The following HDX variants were observed in gnomAD, a reference collection of about 807,000 sequenced individuals.
HDX encodes the protein highly divergent homeobox, also known as chromosome X open reading frame 43.
A neutral mutation model predicts 45.2 loss-of-function variants in HDX; 19 were observed. The observed-to-expected ratio is 0.42, with a 90% CI of 0.29 to 0.62. The LOEUF (loss-of-function observed/expected upper bound fraction) is 0.62. HDX is among the 20% of genes least tolerant of loss of function. The pLI is 0.20. For missense variants in HDX, 532 were observed against 493.9 expected, an observed-to-expected ratio of 1.08 and a Z score of -0.73; for synonymous variants, 188 against 172.8, an observed-to-expected ratio of 1.09 and a Z score of -0.69.
intron 5 of HDX, among the ~76,000 whole-genome samples, chrX:84,401,956 C>G (rs1461887320): frequency 8.9e-6 from 1 of 111,884 alleles, no homozygotes; most frequent in East Asian, 2.8e-4. Context: ...GAAAACCAAA[C>G]ATTGCATGTT....
At chrX:84,434,683 T>G (rs2039582748) in intron 5 of HDX, among the ~76,000 whole-genome samples, 1 of 111,624 alleles carries the variant, frequency 9.0e-6, no homozygotes, top group Admixed American at 9.6e-5. Context: ...GCTGGCCACA[T>G]AGAATATGAT....
chrX:84,380,500 A>G (rs2038162966), intron 5 of HDX, among the ~76,000 whole-genome samples: 2 of 111,529 alleles, frequency 1.8e-5, no homozygotes, highest in South Asian at 7.4e-4. Context: ...AGAGAATTCA[A>G]CCAAATATTA....
At chrX:84,440,456 G>T in intron 5 of HDX, 76 bp downstream of exon 5, 1 of 692,237 alleles carries the variant, frequency 1.4e-6, no homozygotes, top group Non-Finnish European at 2.3e-6. Context: ...TACAAATATG[G>T]CAATTTTCTC....
intron 3 of HDX, among the ~76,000 whole-genome samples, chrX:84,474,088 C>T (rs5968333): frequency 0.35 from 38,483 of 110,535 alleles, 5,290 homozygotes; most frequent in African/African-American, 0.52. Flanking sequence ...GTCAGGAGTT[C>T]GAGACCAACC....
intron 4 of HDX, among the ~76,000 whole-genome samples, chrX:84,462,008 A>G (rs1414440938): frequency 3.6e-5 from 4 of 112,201 alleles, no homozygotes; most frequent in African/African-American, 1.3e-4. Flanking sequence ...TATCCAAAAG[A>G]CAGGCAATAA....
intron 6 of HDX, among the ~76,000 whole-genome samples, chrX:84,359,607 G>A (rs943655704): frequency 7.2e-5 from 8 of 111,641 alleles, no homozygotes; most frequent in African/African-American, 2.6e-4. Flanking sequence ...GGACATGTGG[G>A]TTGCTTCCAT....
intron 4 of HDX, among the ~76,000 whole-genome samples, chrX:84,464,367 A>C (rs1019098732): frequency 8.9e-6 from 1 of 111,804 alleles, no homozygotes; most frequent in South Asian, 3.7e-4. Context: ...TGCATAGCCA[A>C]GACAATCCTA....
intron 2 of HDX, among the ~76,000 whole-genome samples, chrX:84,484,007 A>G (rs2040740539): frequency 1.8e-5 from 2 of 111,341 alleles, no homozygotes; most frequent in Admixed American, 1.9e-4. Context: ...ATCACTATCA[A>G]CATTTTGGTC....
At chrX:84,339,535 AG>A (rs1396126357) in intron 7 of HDX, among the ~76,000 whole-genome samples, 12 of 111,998 alleles carry the variant, frequency 1.1e-4, no homozygotes, top group Admixed American at 1.9e-4. Context: ...CTAAAATAAA[AG>A]GATGTGAAGT....
intron 2 of HDX, among the ~76,000 whole-genome samples, chrX:84,481,407 A>C (rs938958829): frequency 7.2e-5 from 8 of 111,558 alleles, no homozygotes; most frequent in Non-Finnish European, 1.1e-4. Context: ...TACAGGGGAC[A>C]CAATATTTAT....
chrX:84,428,276 A>C (rs1251490041), intron 5 of HDX, among the ~76,000 whole-genome samples: 1 of 110,703 alleles, frequency 9.0e-6, no homozygotes, highest in African/African-American at 3.3e-5. Flanking sequence ...ATTGCAGTAC[A>C]TTTGACATAT....
chrX:84,456,578 A>T (rs982927016), intron 4 of HDX, among the ~76,000 whole-genome samples: 1 of 111,607 alleles, frequency 9.0e-6, no homozygotes, highest in Non-Finnish European at 1.9e-5. Context: ...TAATCAACAG[A>T]CATAGGCTGA....
At chrX:84,363,608 G>C (rs1476884194) in intron 5 of HDX, among the ~76,000 whole-genome samples, 1 of 112,055 alleles carries the variant, frequency 8.9e-6, no homozygotes, top group Non-Finnish European at 1.9e-5. Flanking sequence ...GACAATGCCT[G>C]TTAAGAAGCA....
chrX:84,425,686 G>A (rs6623032), intron 5 of HDX, among the ~76,000 whole-genome samples: 1 of 111,196 alleles, frequency 9.0e-6, no homozygotes, highest in Admixed American at 9.6e-5. Context: ...AGAGCATGAA[G>A]TGAAATAAGC....
chrX:84,430,748 T>A (rs1449101474), intron 5 of HDX, among the ~76,000 whole-genome samples: 3 of 110,539 alleles, frequency 2.7e-5, no homozygotes, highest in Non-Finnish European at 5.7e-5. Context: ...ACATTGTGGT[T>A]TTGATTAGTA....
intron 6 of HDX, among the ~76,000 whole-genome samples, chrX:84,360,950 T>C (rs1315357973): frequency 6.3e-5 from 7 of 111,767 alleles, no homozygotes; most frequent in African/African-American, 2.3e-4. Flanking sequence ...AGCAGTGGAA[T>C]TTTTGGTCAT....
intron 1 of HDX, among the ~76,000 whole-genome samples, chrX:84,491,518 T>A (rs1032211213): frequency 8.9e-6 from 1 of 112,205 alleles, no homozygotes; most frequent in Admixed American, 9.5e-5. Flanking sequence ...TATTCTGTTT[T>A]TCTTATTGCT....
intron 5 of HDX, among the ~76,000 whole-genome samples, chrX:84,399,159 T>G (rs1174840003): frequency 6.3e-5 from 7 of 110,457 alleles, no homozygotes; most frequent in Non-Finnish European, 1.3e-4. Flanking sequence ...TTAAAAGATC[T>G]ATGGAAGCAA....
At position 84,356,509 on chromosome X, in the gene HDX, G is replaced by A. The variant is rs753629253; in HGVS notation, c.1452+4957C>T. Among the ~76,000 whole-genome samples, 292 of 109,991 alleles carry A rather than the reference G, an allele frequency of 2.7e-3. 2 individuals carry two copies. Among genetic ancestry groups the A allele is most frequent in the African/African-American group, 9.3e-3 (282 of 30,299 alleles). The stretch of plus-strand genomic sequence containing the variant: ...AATAAGAAACTCTGTATATAGTAAT[G>A]CCAAAGGGGGAACTGATGTTAATAG... On this transcript the variant is annotated intron_variant, in intron 6 of 10. Transcript: ENST00000373177.
Sources: gnomAD v4.1 joint callset for allele counts (sites outside exome capture counted in the v4.1 genomes callset) on GRCh38, gnomAD v4.1.1 for gene constraint, MANE v1.5 for transcripts, NCBI Gene and HGNC (gene_info 2026-07-23, HGNC 2026-07-21) for gene names.